Variants in CAB39L observed in about 807,000 individuals in gnomAD.
CAB39L encodes calcium binding protein 39 like.
In CAB39L, 23 loss-of-function variants were observed where a neutral mutation model predicts 39.1. The observed-to-expected ratio is 0.59, with a 90% CI of 0.42 to 0.83. The LOEUF (loss-of-function observed/expected upper bound fraction) is 0.83, where lower values mean the gene tolerates loss of function less well. CAB39L is among the 40% of genes least tolerant of loss of function. The probability of loss-of-function intolerance (pLI) is 0.00; values close to 1 mark genes in which losing one functional copy is unlikely to be tolerated. For missense variants in CAB39L, 366 were observed against 391.9 expected, an observed-to-expected ratio of 0.93 and a Z score of 0.56; for synonymous variants, 126 against 137.2, an observed-to-expected ratio of 0.92 and a Z score of 0.57.
intron 1 of CAB39L, among the ~76,000 whole-genome samples, chr13:49,442,585 A>G (rs975486572): frequency 7.2e-5 from 11 of 152,032 alleles, no homozygotes; most frequent in Non-Finnish European, 1.5e-4. Flanking sequence ...TAAAGTCAGG[A>G]GTTCAAGACC....
chr13:49,412,875 G>C (rs1217836887), intron 3 of CAB39L: 2 of 152,368 alleles, frequency 1.3e-5, no homozygotes, highest in Non-Finnish European at 2.9e-5. Flanking sequence ...ACAGGAGGCG[G>C]AATTCAGATG....
intron 1 of CAB39L, among the ~76,000 whole-genome samples, chr13:49,437,959 G>A (rs1290067920): frequency 6.6e-6 from 1 of 151,924 alleles, no homozygotes; most frequent in Non-Finnish European, 1.5e-5. Flanking sequence ...TAAGTACCTG[G>A]GACTACAGGT....
chr13:49,405,583 T>C (rs950205339), intron 3 of CAB39L, among the ~76,000 whole-genome samples: 2 of 151,952 alleles, frequency 1.3e-5, no homozygotes, highest in African/African-American at 4.8e-5. Context: ...AAGACCAGCC[T>C]GAATAACATA....
intron 4 of CAB39L, among the ~76,000 whole-genome samples, chr13:49,381,109 G>A (rs1956244729): frequency 6.6e-6 from 1 of 152,082 alleles, no homozygotes; most frequent in Non-Finnish European, 1.5e-5. Context: ...TGTATTTTTA[G>A]TAGAGGCGGG....
chr13:49,392,574 G>A (rs1159670588), intron 3 of CAB39L, among the ~76,000 whole-genome samples: 2 of 152,144 alleles, frequency 1.3e-5, no homozygotes, highest in African/African-American at 2.4e-5. Context: ...CCGGGAGGCA[G>A]AGGTTGCAGT....
chr13:49,353,338 A>T lies in CAB39L; in HGVS notation c.396-2426T>A, dbSNP rs569050421. On this transcript the variant is annotated intron_variant, in intron 6 of 10. Transcript: ENST00000409308. ...GAGAAAAGCACTGTCATTTATTGAT[A>T]GAGTACTCAAGAGAGTATAAAATAA... Among the ~76,000 whole-genome samples the T allele has an allele frequency of 8.5e-5, 13 of 152,336 alleles. No individual in the cohort carries two copies. In the South Asian group the frequency reaches 2.5e-3, roughly 29 times the overall value.
intron 10 of CAB39L, among the ~76,000 whole-genome samples, chr13:49,331,415 G>A (rs573391669): frequency 6.6e-6 from 1 of 151,988 alleles, no homozygotes; most frequent in Non-Finnish European, 1.5e-5. Context: ...GCAGTGAGCC[G>A]AGATCGCACC....
At chr13:49,419,603 A>T (rs1417435040) in intron 3 of CAB39L, among the ~76,000 whole-genome samples, 1 of 152,182 alleles carries the variant, frequency 6.6e-6, no homozygotes, top group Non-Finnish European at 1.5e-5. Flanking sequence ...AAGAAGAAGA[A>T]ATGAAATTCA....
intron 5 of CAB39L, among the ~76,000 whole-genome samples, chr13:49,373,308 G>C (rs1030634081): frequency 6.6e-6 from 1 of 152,100 alleles, no homozygotes; most frequent in Non-Finnish European, 1.5e-5. Flanking sequence ...ACATTGCCTA[G>C]AGACTTCAGC....
rs1368483688 is a variant in CAB39L at position 49,382,777 on chromosome 13, A to C, written c.111+23T>G. On this transcript the variant is annotated intron_variant, in intron 4 of 10. Coordinates refer to ENST00000409308, the MANE Select transcript of CAB39L (RefSeq NM_001079670.3). ...ATTGCGATGCATGTACTTTAATCAT[A>C]ATGTTACTGTTTTAGCTCTTACCTT... 2.1e-6 allele frequency: 3 copies of C among 1,421,674 alleles called. No homozygotes were observed. In the African/African-American group the frequency reaches 4.2e-5, roughly 20 times the overall value. 88.1% of individuals were successfully genotyped at this position (1,421,674 alleles called of 1,614,324 possible).
intron 10 of CAB39L, among the ~76,000 whole-genome samples, chr13:49,329,417 T>C (rs1954602416): frequency 1.3e-5 from 2 of 151,342 alleles, no homozygotes; most frequent in African/African-American, 4.8e-5. Flanking sequence ...AATAAATATC[T>C]GGGCTGGAGC....
At chr13:49,347,759 C>T (rs908616296) in intron 7 of CAB39L, among the ~76,000 whole-genome samples, 3 of 152,114 alleles carry the variant, frequency 2.0e-5, no homozygotes, top group Admixed American at 2.0e-4. Flanking sequence ...GAGAAACAGC[C>T]ACTCCTGGGA....
chr13:49,382,626 A>G (rs1173948041), intron 4 of CAB39L, 174 bp downstream of exon 4: 4 of 540,016 alleles, frequency 7.4e-6, no homozygotes, highest in Non-Finnish European at 1.3e-5. Context: ...AGTTCATCAC[A>G]ACAGACTAAA....
chr13:49,369,053 G>A (rs915824107), intron 5 of CAB39L, among the ~76,000 whole-genome samples: 3 of 152,090 alleles, frequency 2.0e-5, no homozygotes, highest in African/African-American at 7.2e-5. Context: ...GAAGAGATAT[G>A]GTAGCAAAAA....
chr13:49,399,576 C>T (rs1030117955), intron 3 of CAB39L, among the ~76,000 whole-genome samples: 2 of 152,030 alleles, frequency 1.3e-5, no homozygotes, highest in Non-Finnish European at 2.9e-5. Flanking sequence ...ACTTGATAAA[C>T]TGTTTCCCAG....
chr13:49,342,811 C>T (rs1955042106), intron 8 of CAB39L, among the ~76,000 whole-genome samples: 1 of 152,144 alleles, frequency 6.6e-6, no homozygotes, highest in Non-Finnish European at 1.5e-5. Context: ...AGATCTCAAA[C>T]ACTCAGCATG....
intron 2 of CAB39L, 132 bp downstream of exon 2, chr13:49,433,954 T>C (rs564754868): frequency 3.1e-6 from 1 of 327,278 alleles, no homozygotes; most frequent in East Asian, 8.7e-5. Flanking sequence ...TTTTTTCTTT[T>C]CTACTCCACC....
intron 3 of CAB39L, among the ~76,000 whole-genome samples, chr13:49,386,392 C>T (rs1187133810): frequency 6.6e-6 from 1 of 152,018 alleles, no homozygotes; most frequent in East Asian, 1.9e-4. Flanking sequence ...AGCACAGGCA[C>T]TTTGCTAAAT....
rs1956991776 is a variant in CAB39L at position 49,411,597 on chromosome 13, ATTTAT to A, written c.-32+21716_-32+21720del. 2.0e-5 allele frequency among the ~76,000 whole-genome samples: 3 copies of A among 152,096 alleles called. No individual in the cohort carries two copies. In the South Asian group the frequency reaches 6.2e-4, roughly 32 times the overall value. Reference sequence around the variant, plus strand: ...ATAATACTATACACACTGCATTATAATTTATTTTATTTCTTTATAGTAGATCTTGG... The same window carrying A: ...ATAATACTATACACACTGCATTATAATTTATTTCTTTATAGTAGATCTTGG... On this transcript the variant is annotated intron_variant, in intron 3 of 10. Transcript: ENST00000409308.
Sources: allele counts gnomAD v4.1 joint callset (sites outside exome capture counted in the v4.1 genomes callset), GRCh38; gene constraint gnomAD v4.1.1; transcripts MANE v1.5; gene names NCBI Gene and HGNC (gene_info 2026-07-23, HGNC 2026-07-21).